Variants in CNTN5 observed in about 807,000 individuals in gnomAD.
The protein encoded by CNTN5 is contactin 5.
In CNTN5, 77 loss-of-function variants were observed where a neutral mutation model predicts 129.1. The observed-to-expected ratio is 0.60, with a 90% CI of 0.50 to 0.72. The LOEUF is 0.72. CNTN5 is among the 30% of genes least tolerant of loss of function. The probability of loss-of-function intolerance (pLI) is 0.00; values close to 1 mark genes in which losing one functional copy is unlikely to be tolerated. For missense variants in CNTN5, 1,478 were observed against 1,328.8 expected (o/e 1.11, Z -1.75); for synonymous variants, 509 against 465.6 (o/e 1.09, Z -1.20).
chr11:99,959,072 T>A (rs12280999), intron 8 of CNTN5, among the ~76,000 whole-genome samples: 1 of 152,126 alleles, frequency 6.6e-6, no homozygotes, highest in East Asian at 1.9e-4. Flanking sequence ...CATTCGCTGA[T>A]ATTTAAATCC....
At chr11:100,042,711 C>T (rs1942450913) in intron 9 of CNTN5, among the ~76,000 whole-genome samples, 1 of 152,198 alleles carries the variant, frequency 6.6e-6, no homozygotes, top group South Asian at 2.1e-4. Flanking sequence ...TTTGGAGGCA[C>T]TTTTTATCCT....
chr11:99,041,049 C>T (rs1367170575), intron 1 of CNTN5, among the ~76,000 whole-genome samples: 1 of 152,082 alleles, frequency 6.6e-6, no homozygotes, highest in Non-Finnish European at 1.5e-5. Flanking sequence ...CTAATCTCCT[C>T]AAACCTTATT....
At chr11:99,056,351 T>C (rs1376729706) in intron 1 of CNTN5, among the ~76,000 whole-genome samples, 2 of 151,930 alleles carry the variant, frequency 1.3e-5, no homozygotes, top group East Asian at 3.9e-4. Context: ...AAGCTAGTTA[T>C]GTAGCTCACA....
chr11:99,736,409 G>A (rs1363930960), intron 3 of CNTN5, among the ~76,000 whole-genome samples: 1 of 152,124 alleles, frequency 6.6e-6, no homozygotes, highest in East Asian at 1.9e-4. Flanking sequence ...GAATGTAAGG[G>A]TCTGATGAAG....
chr11:99,963,809 T>G (rs1427452318), intron 8 of CNTN5, among the ~76,000 whole-genome samples: 1 of 152,200 alleles, frequency 6.6e-6, no homozygotes, highest in African/African-American at 2.4e-5. Flanking sequence ...GTTCTTCCAT[T>G]TGTTTGTATC....
rs189628318 is a variant in CNTN5, at chr11:100,094,842, A to T, written c.1580+20548A>T. Among the ~76,000 whole-genome samples, 34 of 151,182 alleles carry T rather than the reference A, an allele frequency of 2.2e-4. No individual in the cohort carries two copies. The East Asian group carries it at 4.9e-3, about 22-fold the overall frequency. The stretch of plus-strand genomic sequence containing the variant: ...GAAATTAAAGGAGAAAAAAATCATC[A>T]TTATTCCATTTATGCTTGTTTGAGG... On this transcript the variant is annotated intron_variant, in intron 13 of 24. Transcript: ENST00000524871.
intron 2 of CNTN5, among the ~76,000 whole-genome samples, chr11:99,529,597 T>C (rs1230607155): frequency 1.3e-5 from 2 of 152,214 alleles, no homozygotes; most frequent in Non-Finnish European, 2.9e-5. Context: ...TTGGGGATTA[T>C]GATCCAAACC....
chr11:99,659,990 A>T (rs1037476615), intron 3 of CNTN5, among the ~76,000 whole-genome samples: 1 of 152,162 alleles, frequency 6.6e-6, no homozygotes, highest in Non-Finnish European at 1.5e-5. Flanking sequence ...AACTGAGCAG[A>T]GGAAAGATAA....
intron 1 of CNTN5, among the ~76,000 whole-genome samples, chr11:99,191,635 T>C (rs1331764262): frequency 6.6e-6 from 1 of 151,738 alleles, no homozygotes; most frequent in Admixed American, 6.6e-5. Flanking sequence ...GATGACAATA[T>C]GAAACTAGAA....
intron 9 of CNTN5, among the ~76,000 whole-genome samples, chr11:100,060,169 G>A (rs1943403833): frequency 6.6e-6 from 1 of 150,412 alleles, no homozygotes; most frequent in South Asian, 2.1e-4. Flanking sequence ...TCGTGCCACT[G>A]CACTCGAGCC....
chr11:100,188,142 A>G (rs1296139118), intron 13 of CNTN5, among the ~76,000 whole-genome samples: 2 of 152,186 alleles, frequency 1.3e-5, no homozygotes, highest in Non-Finnish European at 2.9e-5. Context: ...CACTTCTTAC[A>G]GGAAGACATA....
chr11:99,425,215 A>C (rs1234067468), intron 2 of CNTN5, among the ~76,000 whole-genome samples: 1 of 152,174 alleles, frequency 6.6e-6, no homozygotes, highest in Non-Finnish European at 1.5e-5. Context: ...TGGAAAAACA[A>C]CCATCTGATT....
intron 3 of CNTN5, among the ~76,000 whole-genome samples, chr11:99,616,070 A>C (rs1950750971): frequency 1.3e-5 from 2 of 152,034 alleles, no homozygotes; most frequent in Admixed American, 1.3e-4. Context: ...TTCTGTATAC[A>C]CTTCTCCATG....
At chr11:100,170,768 G>A (rs1947798441) in intron 13 of CNTN5, among the ~76,000 whole-genome samples, 1 of 151,376 alleles carries the variant, frequency 6.6e-6, no homozygotes, top group Non-Finnish European at 1.5e-5. Context: ...TGATCTTGAT[G>A]AGAAAGAAAC....
Position 100,217,390 on chromosome 11 carries a change from T to C in CNTN5, c.1885-7302T>C, listed in dbSNP as rs149419082. ...AGTGTCACATATTTGTGATTTTCTG[T>C]CTAGACAAAATGACAGTCTACCAAG... On this transcript the variant is annotated intron_variant, in intron 15 of 24. Coordinates refer to ENST00000524871, the MANE Select transcript of CNTN5 (RefSeq NM_014361.4). Among the ~76,000 whole-genome samples, 36 of 152,334 alleles carry C rather than the reference T, an allele frequency of 2.4e-4. No homozygotes were observed. In the East Asian group the frequency reaches 6.8e-3, roughly 29 times the overall value.
At chr11:100,295,885 T>C (rs930839999) in intron 18 of CNTN5, among the ~76,000 whole-genome samples, 4 of 151,306 alleles carry the variant, frequency 2.6e-5, no homozygotes, top group African/African-American at 9.7e-5. Context: ...TAAATGTGAG[T>C]TTTCAGAGAT....
Position 99,594,116 on chromosome 11 carries a change from A to G in CNTN5, c.55+37847A>G, listed in dbSNP as rs974014222. ...CTAGAATAGTCTCTATTTTTCATGC[A>G]TGCTCTATCCAGTATTGTTATACTT... On this transcript the variant is annotated intron_variant, in intron 3 of 24. Coordinates refer to ENST00000524871, the MANE Select transcript of CNTN5 (RefSeq NM_014361.4). Among the ~76,000 whole-genome samples the G allele has an allele frequency of 3.3e-5, 5 of 152,162 alleles. No homozygotes were observed. In the East Asian group the frequency reaches 9.6e-4, roughly 29 times the overall value.
intron 2 of CNTN5, among the ~76,000 whole-genome samples, chr11:99,434,196 A>G (rs1943511600): frequency 6.6e-6 from 1 of 152,190 alleles, no homozygotes; most frequent in South Asian, 2.1e-4. Context: ...TTGGCACCAC[A>G]GCCTTAATTT....
chr11:100,144,924 C>T (rs924314541), intron 13 of CNTN5, among the ~76,000 whole-genome samples: 11 of 151,854 alleles, frequency 7.2e-5, no homozygotes, highest in East Asian at 1.9e-4. Context: ...CATCTGTCTC[C>T]GAGATTGATG....
Sources: allele counts gnomAD v4.1 joint callset (sites outside exome capture counted in the v4.1 genomes callset), GRCh38; gene constraint gnomAD v4.1.1; transcripts MANE v1.5; gene names NCBI Gene and HGNC (gene_info 2026-07-23, HGNC 2026-07-21).